The following ARMCX4 variants were observed in gnomAD, a reference collection of about 807,000 sequenced individuals.
ARMCX4 encodes armadillo repeat containing X-linked 4.
ARMCX4 carries 3 observed loss-of-function variants against 34.7 expected under a neutral mutation model. That is an observed-to-expected ratio of 0.09 (90% CI 0.04 to 0.22). The LOEUF (loss-of-function observed/expected upper bound fraction) is 0.22. ARMCX4 is among the 10% of genes least tolerant of loss of function. The pLI is 1.00. For missense variants in ARMCX4, 1,448 were observed against 1,720.8 expected (o/e 0.84, Z 2.81); for synonymous variants, 513 against 632.8 (o/e 0.81, Z 2.84).
At position 101,490,805 on chromosome X, in the gene ARMCX4, G is replaced by A; in HGVS notation, c.2216G>A (p.Gly739Glu). The A allele has an allele frequency of 9.0e-7, 1 of 1,106,404 alleles. No individual in the cohort carries two copies. The highest frequency in any genetic ancestry group is 2.0e-5 in the South Asian group (1 of 49,456). 91.2% of individuals were successfully genotyped at this position (1,106,404 alleles called of 1,213,427 possible). A position where few individuals can be genotyped will look rare whatever the true frequency, so the allele number is the denominator to read the frequency against. ...AATCCCACTACTGTGCCTAATTCAG[G>A]GGTTGGGCCATATACAACAGACTCT... ...RGNPTTVPNSGVGPYTTDSAR... is the reference protein window; with the variant it reads ...RGNPTTVPNSEVGPYTTDSAR... The change falls in exon 6 of 6, where the codon GGG (glycine) becomes GAG (glutamate). Residue 739 changes from glycine (G) to glutamate (E), a missense_variant. Physicochemically the swap from Gly to Glu is moderately conservative, Grantham distance 98. This residue lies in a region of ARMCX4 where 1,343 missense variants were observed against 1,540.7 expected (regional missense o/e 0.87). Transcript: ENST00000423738.
chrX:101,494,023 GGGGCTGGGGCT>G lies in ARMCX4; in HGVS notation c.5436_5446del (p.Ala1813GlyfsTer6), dbSNP rs1934086584. 9.4e-7 allele frequency: 1 copy of G among 1,063,687 alleles called. No homozygotes were observed. The allele number at this position is 1,063,687 out of a possible 1,213,427, so 87.7% of individuals were successfully genotyped here. On this transcript the variant is annotated frameshift_variant, in exon 6 of 6. Transcript: ENST00000423738. LOFTEE classifies it high-confidence loss of function. ...GGGCTCCTGTGTAGGGGCTGAGGCT[GGGGCTGGGGCT>G]GAGGCTGGGGCTGGGGCTGAGGCTG...
At chrX:101,505,722 T>C (rs1044447194) in intron 8 of ARMCX4, among the ~76,000 whole-genome samples, 8 of 112,284 alleles carry the variant, frequency 7.1e-5, no homozygotes, top group African/African-American at 2.6e-4. Flanking sequence ...TTTAAAAAAT[T>C]GTGATAAAAT....
At chrX:101,478,056 G>A (rs993407379) in intron 4 of ARMCX4, among the ~76,000 whole-genome samples, 51 of 111,734 alleles carry the variant, frequency 4.6e-4, no homozygotes, top group Non-Finnish European at 8.1e-4. Context: ...AAGCATTCCT[G>A]TTATATTCAG....
At chrX:101,527,893 A>C (rs1369518538) in intron 11 of ARMCX4, among the ~76,000 whole-genome samples, 3 of 111,907 alleles carry the variant, frequency 2.7e-5, no homozygotes, top group African/African-American at 9.7e-5. Flanking sequence ...GCCGAATTCT[A>C]CCAGAGGTAC....
intron 2 of ARMCX4, among the ~76,000 whole-genome samples, chrX:101,433,264 A>G (rs781972421): frequency 9.3e-6 from 1 of 108,105 alleles, no homozygotes. Context: ...ATATATACAT[A>G]TATGTACACA....
intron 2 of ARMCX4, among the ~76,000 whole-genome samples, chrX:101,486,947 T>TGAATAAAATA (rs1933753034): frequency 9.4e-6 from 1 of 106,207 alleles, no homozygotes. Context: ...AAAAATAAAA[T>TGAATAAAATA]AAATAAAATA....
At position 101,490,314 on chromosome X, in the gene ARMCX4, T is replaced by A; in HGVS notation, c.1725T>A (p.Thr575=). ...RVDGRGNPNA[T]SKAGTKADQR... Reference sequence around the variant, plus strand: ...ATGGTAGGGGCAATCCTAATGCCACTTCTAAAGCCGGGACTAAGGCAGACC... The same window carrying A: ...ATGGTAGGGGCAATCCTAATGCCACATCTAAAGCCGGGACTAAGGCAGACC... The change falls in exon 6 of 6, where the codon ACT becomes ACA. Residue 575 remains threonine (T), a synonymous_variant. Transcript: ENST00000423738. The A allele has an allele frequency of 8.7e-7, 1 of 1,153,985 alleles. No homozygotes were observed. The highest frequency in any genetic ancestry group is 1.1e-6 in the Non-Finnish European group (1 of 872,191).
downstream of ARMCX4, among the ~76,000 whole-genome samples, chrX:101,535,815 A>T (rs1269656201): frequency 8.9e-6 from 1 of 112,068 alleles, no homozygotes; most frequent in Non-Finnish European, 1.9e-5. Context: ...GTCCCTTTTC[A>T]TTAAAAAATA....
At position 101,489,914 on chromosome X, in the gene ARMCX4, T is replaced by A; in HGVS notation, c.1325T>A (p.Val442Asp). The change falls in exon 6 of 6, where the codon GTT becomes GAT. Residue 442 changes from valine to aspartate, a missense_variant. Transcript: ENST00000423738. Reference sequence around the variant, plus strand: ...GCAAACTTGAGGGCCAATTCCCAGGTTGAGGCCTTGCCTGATGCCAGGGAT... The same window carrying A: ...GCAAACTTGAGGGCCAATTCCCAGGATGAGGCCTTGCCTGATGCCAGGGAT... ...AKANLRANSQ[V>D]EALPDARDKS... 8.7e-7 allele frequency: 1 copy of A among 1,154,311 alleles called. No individual in the cohort carries two copies. Among genetic ancestry groups the A allele is most frequent in the Middle Eastern group, 2.3e-4 (1 of 4,296 alleles).
At chrX:101,478,438 G>GA (rs1448426263) in intron 4 of ARMCX4, among the ~76,000 whole-genome samples, 1 of 111,547 alleles carries the variant, frequency 9.0e-6, no homozygotes, top group Non-Finnish European at 1.9e-5. Flanking sequence ...ACAAAATGCA[G>GA]AAAAAACAAA....
chrX:101,462,977 C>T (rs782615539), intron 4 of ARMCX4, among the ~76,000 whole-genome samples: 3 of 111,705 alleles, frequency 2.7e-5, no homozygotes, highest in South Asian at 3.7e-4. Flanking sequence ...AAGATCTGGC[C>T]GGTGCCAATA....
intron 11 of ARMCX4, among the ~76,000 whole-genome samples, chrX:101,514,961 A>G (rs375064739): frequency 9.0e-6 from 1 of 111,632 alleles, no homozygotes; most frequent in East Asian, 2.8e-4. Context: ...TCAGAATCCA[A>G]TTCCCTCCTA....
intron 2 of ARMCX4, among the ~76,000 whole-genome samples, chrX:101,438,856 A>T (rs1226635194): frequency 1.8e-5 from 2 of 110,736 alleles, no homozygotes; most frequent in Non-Finnish European, 3.8e-5. Context: ...TTTTGAGCCT[A>T]TGTGTGTCTC....
intron 2 of ARMCX4, among the ~76,000 whole-genome samples, chrX:101,441,765 C>T (rs782046261): frequency 3.6e-5 from 4 of 111,284 alleles, no homozygotes; most frequent in Admixed American, 1.9e-4. Flanking sequence ...TCTGCAGTCA[C>T]AATAATCGTG....
At chrX:101,476,104 A>G (rs1360955060) in intron 4 of ARMCX4, among the ~76,000 whole-genome samples, 3 of 110,840 alleles carry the variant, frequency 2.7e-5, no homozygotes, top group African/African-American at 9.8e-5. Flanking sequence ...GTTAAATCCC[A>G]TCAATTTCTT....
At position 101,495,557 on chromosome X, in the gene ARMCX4, A is replaced by C; in HGVS notation, c.*95A>C. ...AAATTGCATTATAACTTTGAAACTG[A>C]TGTTACCTATGATGGTCTATAGCTG... On this transcript the variant is annotated 3_prime_UTR_variant, in exon 6 of 6. Transcript: ENST00000423738. 1 of 909,120 alleles carries C rather than the reference A, an allele frequency of 1.1e-6. No homozygotes were observed. Among genetic ancestry groups the C allele is most frequent in the Admixed American group, 4.2e-5 (1 of 23,787 alleles). 74.9% of individuals were successfully genotyped at this position (909,120 alleles called of 1,213,427 possible). A position where few individuals can be genotyped will look rare whatever the true frequency, so the allele number is the denominator to read the frequency against.
rs1167280832 is a variant in ARMCX4 at position 101,489,093 on chromosome X, G to A, written c.504G>A (p.Lys168=). The change falls in exon 6 of 6, where the codon AAG becomes AAA. Residue 168 remains lysine, a synonymous_variant. Transcript: ENST00000423738. ...IVKKEAVTQT[K]AKAWALVAKT... is the part of the protein sequence containing the mutation. The stretch of plus-strand genomic sequence containing the variant: ...AGAAAGAAGCAGTGACACAGACCAA[G>A]GCTAAAGCTTGGGCGCTGGTTGCCA... 3 of 1,155,069 alleles carry A rather than the reference G, an allele frequency of 2.6e-6. No individual in the cohort carries two copies. The highest frequency in any genetic ancestry group is 3.4e-6 in the Non-Finnish European group (3 of 872,988).
chrX:101,484,407 A>G (rs1169069300), upstream of ARMCX4, among the ~76,000 whole-genome samples: 3 of 112,187 alleles, frequency 2.7e-5, no homozygotes, highest in Non-Finnish European at 5.6e-5. Flanking sequence ...CTTATGTAAA[A>G]TCCAAATAAA....
chrX:101,489,352 G>C lies in ARMCX4; in HGVS notation c.763G>C (p.Gly255Arg). The C allele has an allele frequency of 2.6e-6, 3 of 1,154,772 alleles. No homozygotes were observed. The highest frequency in any genetic ancestry group is 3.4e-6 in the Non-Finnish European group (3 of 872,023). Residue 255 changes from glycine (G) to arginine (R), a missense_variant, in exon 6 of 6, where the codon GGT becomes CGT. Physicochemically the swap from Gly to Arg is moderately radical, Grantham distance 125. This residue lies in a region of ARMCX4 where 1,343 missense variants were observed against 1,540.7 expected (regional missense o/e 0.87). Transcript: ENST00000423738. ...VAKTQSEARPGATVDARGNPN... is the reference protein window; with the variant it reads ...VAKTQSEARPRATVDARGNPN... ...TAAGACTCAGTCTGAGGCCAGGCCT[G>C]GTGCCACAGTTGATGCTAGGGGAAA...
Sources: gnomAD v4.1 joint callset for allele counts (sites outside exome capture counted in the v4.1 genomes callset) on GRCh38, gnomAD v4.1.1 for gene constraint, gnomAD v4.1.1 regional missense constraint, MANE v1.5 for transcripts, NCBI Gene and HGNC (gene_info 2026-07-23, HGNC 2026-07-21) for gene names.